The following NIPBL variants were observed in gnomAD, a reference collection of about 807,000 sequenced individuals.
NIPBL encodes the protein NIPBL cohesin loading factor.
A neutral mutation model predicts 321.8 loss-of-function variants in NIPBL; 19 were observed. That is an observed-to-expected ratio of 0.06 (90% confidence interval 0.04 to 0.09). The LOEUF (loss-of-function observed/expected upper bound fraction) is 0.09. Ranked by LOEUF, NIPBL falls within the 10% of genes least tolerant of loss-of-function variation. The pLI, the probability that NIPBL is intolerant of heterozygous loss-of-function variation, is 1.00. For missense variants in NIPBL, 2,210 were observed against 3,327.0 expected, an observed-to-expected ratio of 0.66 and a Z score of 8.26; for synonymous variants, 1,106 against 1,114.1, an observed-to-expected ratio of 0.99 and a Z score of 0.14.
chr5:36,951,208 T>A (rs1268566283), intron 1 of NIPBL, among the ~76,000 whole-genome samples: 1 of 152,178 alleles, frequency 6.6e-6, no homozygotes, highest in African/African-American at 2.4e-5. Flanking sequence ...TTCTAGTTCA[T>A]ACATGGGTAA....
At chr5:36,886,086 C>T (rs1296057194) in intron 1 of NIPBL, 1 of 692,348 alleles carries the variant, frequency 1.4e-6, no homozygotes, top group Non-Finnish European at 2.7e-6. Flanking sequence ...GCTGAGATGA[C>T]ACTCACGGAG....
intron 24 of NIPBL, among the ~76,000 whole-genome samples, chr5:37,018,405 C>A (rs1749237578): frequency 6.6e-6 from 1 of 152,076 alleles, no homozygotes; most frequent in South Asian, 2.1e-4. Flanking sequence ...TCAATGAGAA[C>A]CCTTTGAAGC....
At chr5:37,053,073 C>T (rs1753739582) in intron 42 of NIPBL, among the ~76,000 whole-genome samples, 1 of 152,054 alleles carries the variant, frequency 6.6e-6, no homozygotes. Flanking sequence ...ATGGATAGTA[C>T]TAATTATTAT....
chr5:37,062,412 C>T (rs963109092), intron 45 of NIPBL, among the ~76,000 whole-genome samples: 2 of 151,378 alleles, frequency 1.3e-5, no homozygotes, highest in Admixed American at 6.6e-5. Context: ...TCTCACTTAT[C>T]AAGTATGCAA....
intron 9 of NIPBL, among the ~76,000 whole-genome samples, chr5:36,984,327 A>G (rs1488178395): frequency 1.3e-5 from 2 of 152,100 alleles, no homozygotes; most frequent in Admixed American, 6.6e-5. Context: ...ATTATTAGGA[A>G]AAGAATCTGA....
intron 1 of NIPBL, among the ~76,000 whole-genome samples, chr5:36,952,053 T>TGTGTGTGTGTGCGTGCGCGCGC (rs778597604): frequency 1.8e-5 from 2 of 112,114 alleles, no homozygotes; most frequent in Non-Finnish European, 3.7e-5. Context: ...TGTGTGTGTG[T>TGTGTGTGTGTGCGTGCGCGCGC]GCGCGCGCGC....
At chr5:37,029,980 CATG>C (rs1331822561) in intron 32 of NIPBL, among the ~76,000 whole-genome samples, 1 of 152,120 alleles carries the variant, frequency 6.6e-6, no homozygotes, top group Non-Finnish European at 1.5e-5. Context: ...AAAGGTACAT[CATG>C]ATTTCTAAAA....
chr5:37,062,636 T>C (rs1214289587), intron 45 of NIPBL, among the ~76,000 whole-genome samples: 1 of 152,170 alleles, frequency 6.6e-6, no homozygotes, highest in African/African-American at 2.4e-5. Context: ...GTTAAACTGG[T>C]AGGCTGGACA....
Position 37,022,226 on chromosome 5 carries a change from C to CTCT in NIPBL, c.5428-15_5428-13dup. The CTCT allele has an allele frequency of 1.2e-6, 2 of 1,613,494 alleles. No individual in the cohort carries two copies. Among genetic ancestry groups the CTCT allele is most frequent in the Non-Finnish European group, 1.7e-6 (2 of 1,179,698 alleles). ...CTATTTAGGTATAAATTGTTTTTTT[C>CTCT]TCTTCATTTTTCTTTAGCTTGATAT... On this transcript the variant is annotated splice_polypyrimidine_tract_variant and intron_variant, in intron 28 of 46. Transcript: ENST00000282516.
chr5:37,066,175 A>C lies in NIPBL; in HGVS notation c.*1283A>C, dbSNP rs1301047853. 6.6e-6 allele frequency: 1 copy of C among 152,156 alleles called. No individual in the cohort carries two copies. The highest frequency in any genetic ancestry group is 1.5e-5 in the Non-Finnish European group (1 of 68,002). The allele number at this position is 152,156 out of a possible 1,614,324, so 9.4% of individuals were successfully genotyped here. Reference sequence around the variant, plus strand: ...CAGGAGGGAGGTGTTTAATCATTTGATATGTATAGTTGACACTCAGGAATA... The same window carrying C: ...CAGGAGGGAGGTGTTTAATCATTTGCTATGTATAGTTGACACTCAGGAATA... On this transcript the variant is annotated 3_prime_UTR_variant, in exon 47 of 47. Transcript: ENST00000282516.
intron 1 of NIPBL, among the ~76,000 whole-genome samples, chr5:36,898,247 C>G (rs558710100): frequency 2.6e-5 from 4 of 152,028 alleles, no homozygotes; most frequent in African/African-American, 9.6e-5. Flanking sequence ...AAGTTGTATC[C>G]TCTATTATCA....
intron 18 of NIPBL, 108 bp from the exon 19 acceptor site, chr5:37,007,900 T>C: frequency 2.7e-6 from 2 of 745,804 alleles, no homozygotes; most frequent in Non-Finnish European, 4.8e-6. Context: ...GAAAAAATGC[T>C]TTCTTAGTGT....
chr5:36,975,550 T>C (rs1320136346), intron 8 of NIPBL, among the ~76,000 whole-genome samples: 2 of 152,158 alleles, frequency 1.3e-5, no homozygotes, highest in Non-Finnish European at 2.9e-5. Flanking sequence ...TGAATACTCA[T>C]ACTTAGATTC....
intron 29 of NIPBL, 52 bp downstream of exon 29, chr5:37,022,442 C>A (rs761170796): frequency 6.6e-7 from 1 of 1,510,972 alleles, no homozygotes; most frequent in South Asian, 1.2e-5. Context: ...GCCTTTCAAG[C>A]ATCATGTTTT....
At chr5:36,904,272 C>A (rs1278443528) in intron 1 of NIPBL, among the ~76,000 whole-genome samples, 1 of 152,198 alleles carries the variant, frequency 6.6e-6, no homozygotes. Context: ...AGTTTGAGCC[C>A]AGCCTGGCCA....
At position 36,977,378 on chromosome 5, in the gene NIPBL, A is replaced by G. The variant is rs556897549; in HGVS notation, c.1495+976A>G. On this transcript the variant is annotated intron_variant, in intron 9 of 46. Coordinates refer to ENST00000282516, the MANE Select transcript of NIPBL (RefSeq NM_133433.4). ...GTTCAGTGTTTGACAGGATCATGAC[A>G]AGATAATTGTGTTTCTATGCTAAGA... is the stretch of plus-strand genomic sequence containing the variant. Among the ~76,000 whole-genome samples the G allele has an allele frequency of 3.3e-5, 5 of 152,088 alleles. No individual in the cohort carries two copies. In the South Asian group the frequency reaches 1.0e-3, roughly 32 times the overall value.
At chr5:36,921,654 G>T (rs1748949507) in intron 1 of NIPBL, among the ~76,000 whole-genome samples, 1 of 152,130 alleles carries the variant, frequency 6.6e-6, no homozygotes, top group Non-Finnish European at 1.5e-5. Flanking sequence ...AGGGAAAGGA[G>T]AATTCATTTG....
rs143692219 is a variant in NIPBL, at chr5:36,984,509, A to G, written c.1496-167A>G. Among the ~76,000 whole-genome samples the G allele has an allele frequency of 2.1e-3, 322 of 152,218 alleles. 1 individual carries two copies. The highest frequency in any genetic ancestry group is 2.6e-3 in the Non-Finnish European group (175 of 67,980). On this transcript the variant is annotated intron_variant, in intron 9 of 46. Coordinates refer to ENST00000282516, the MANE Select transcript of NIPBL (RefSeq NM_133433.4). ...ATATTTCTTCAAACCTTACCTTTCA[A>G]AGTATTGTGTCATTCATGCTTACTA...
Position 36,985,318 on chromosome 5 carries a change from C to T in NIPBL, c.2138C>T (p.Thr713Ile). Residue 713 changes from threonine (T) to isoleucine (I), a missense_variant, in exon 10 of 47, where the codon ACT becomes ATT. By Grantham distance (89) the Thr-to-Ile change is moderately conservative. Transcript: ENST00000282516. The stretch of plus-strand genomic sequence containing the variant: ...CAAAAGGGTGAAAGCCGGCCTGAGA[C>T]TCCAAAACAAAAGAGTGATGGGCAT... ...PKQKGESRPE[T>I]PKQKSDGHPE... The T allele has an allele frequency of 6.2e-7, 1 of 1,613,602 alleles. No individual in the cohort carries two copies. The highest frequency in any genetic ancestry group is 1.1e-5 in the South Asian group (1 of 91,068).
Sources: gnomAD v4.1 joint callset for allele counts (sites outside exome capture counted in the v4.1 genomes callset) on GRCh38, gnomAD v4.1.1 for gene constraint, MANE v1.5 for transcripts, NCBI Gene and HGNC (gene_info 2026-07-23, HGNC 2026-07-21) for gene names.